The following TRERF1 variants were observed in gnomAD, a reference collection of about 807,000 sequenced individuals.
TRERF1 encodes the protein transcriptional regulating factor 1.
Under a neutral mutation model 122.9 loss-of-function variants are expected in TRERF1, and 27 were observed. The ratio of observed to expected loss-of-function variants is 0.22; its 90% confidence interval spans 0.16 to 0.30. The LOEUF is 0.30. Ranked by LOEUF, TRERF1 falls within the 10% of genes least tolerant of loss-of-function variation. The probability of loss-of-function intolerance (pLI) is 1.00; values close to 1 mark genes in which losing one functional copy is unlikely to be tolerated. For missense variants in TRERF1, 1,248 were observed against 1,560.3 expected (o/e 0.80, Z 3.37); for synonymous variants, 636 against 641.7 (o/e 0.99, Z 0.13).
chr6:42,426,819 CT>C (rs1783695719), intron 2 of TRERF1, among the ~76,000 whole-genome samples: 1 of 152,138 alleles, frequency 6.6e-6, no homozygotes, highest in African/African-American at 2.4e-5. Context: ...CTCTCTAGCC[CT>C]TTATAGAAAG....
intron 4 of TRERF1, among the ~76,000 whole-genome samples, chr6:42,278,096 G>A (rs35837067): frequency 0.11 from 16,628 of 151,990 alleles, 1,018 homozygotes; most frequent in African/African-American, 0.16. Flanking sequence ...TAATTGAAGC[G>A]AAGTTTTTCT....
chr6:42,371,218 A>G (rs1365326237), intron 2 of TRERF1, among the ~76,000 whole-genome samples: 1 of 152,192 alleles, frequency 6.6e-6, no homozygotes, highest in Non-Finnish European at 1.5e-5. Context: ...GGCATTCAGG[A>G]TAACTGGAGT....
chr6:42,403,426 C>T (rs903681068), intron 2 of TRERF1, among the ~76,000 whole-genome samples: 3 of 152,028 alleles, frequency 2.0e-5, no homozygotes, highest in Non-Finnish European at 4.4e-5. Flanking sequence ...GAGAATGCCA[C>T]GTGACAATGG....
At chr6:42,394,225 A>AC (rs1489317946) in intron 2 of TRERF1, among the ~76,000 whole-genome samples, 1 of 151,786 alleles carries the variant, frequency 6.6e-6, no homozygotes, top group Admixed American at 6.6e-5. Flanking sequence ...AAGCCAGGTC[A>AC]CCCCCAAACT....
intron 4 of TRERF1, among the ~76,000 whole-genome samples, chr6:42,299,090 A>G (rs112271691): frequency 0.014 from 1,640 of 119,668 alleles, 15 homozygotes; most frequent in African/African-American, 0.021. Context: ...ATATCTATCT[A>G]TCTATCTGTC....
At chr6:42,292,727 G>A (rs1784503503) in intron 4 of TRERF1, among the ~76,000 whole-genome samples, 1 of 152,108 alleles carries the variant, frequency 6.6e-6, no homozygotes, top group Non-Finnish European at 1.5e-5. Flanking sequence ...CAAGACCCCC[G>A]AAGAGGAAAT....
At chr6:42,310,525 C>T (rs1178282326) in intron 3 of TRERF1, among the ~76,000 whole-genome samples, 3 of 152,184 alleles carry the variant, frequency 2.0e-5, no homozygotes, top group African/African-American at 4.8e-5. Context: ...TGTCCAGAGA[C>T]ATTGTTGGTT....
intron 3 of TRERF1, among the ~76,000 whole-genome samples, chr6:42,329,298 G>T (rs1561999743): frequency 6.6e-6 from 1 of 152,046 alleles, no homozygotes; most frequent in Non-Finnish European, 1.5e-5. Context: ...GCCAGGGTGG[G>T]GTGGGGGCTT....
chr6:42,406,443 GAGGCCTCTGTCCTGGACC>G (rs1319075850), intron 2 of TRERF1, among the ~76,000 whole-genome samples: 1 of 152,200 alleles, frequency 6.6e-6, no homozygotes, highest in African/African-American at 2.4e-5. Flanking sequence ...AGAGCAGGCA[GAGGCCTCTGTCCTGGACC>G]CAAGTCAGCC....
At chr6:42,316,108 C>T (rs759238757) in intron 3 of TRERF1, among the ~76,000 whole-genome samples, 10 of 152,138 alleles carry the variant, frequency 6.6e-5, no homozygotes, top group Non-Finnish European at 1.0e-4. Flanking sequence ...AATGACATTT[C>T]GAGTCACAAG....
chr6:42,265,699 C>T (rs1222073236), intron 6 of TRERF1, 52 bp downstream of exon 6: 13 of 1,568,788 alleles, frequency 8.3e-6, no homozygotes, highest in Non-Finnish European at 1.1e-5. Context: ...AGAGACACCC[C>T]AGAAAATCCT....
Position 42,260,059 on chromosome 6 carries a change from G to A in TRERF1, c.1885-336C>T, listed in dbSNP as rs556038736. On this transcript the variant is annotated intron_variant, in intron 8 of 17. Coordinates refer to ENST00000372922, the Ensembl canonical transcript of TRERF1. ...GTTTGAGTGGAATCCAGCTGAGTGGGCTCTTTAATTCCCCCATTGCTCCCC... is the reference window on the plus strand; with the variant it reads ...GTTTGAGTGGAATCCAGCTGAGTGGACTCTTTAATTCCCCCATTGCTCCCC... Among the ~76,000 whole-genome samples the A allele has an allele frequency of 4.6e-5, 7 of 152,140 alleles. No homozygotes were observed. In the South Asian group the frequency reaches 1.5e-3, roughly 32 times the overall value.
intron 3 of TRERF1, among the ~76,000 whole-genome samples, chr6:42,314,745 A>C (rs891362185): frequency 1.3e-5 from 2 of 152,194 alleles, no homozygotes; most frequent in Non-Finnish European, 2.9e-5. Flanking sequence ...CTGGGGAAAG[A>C]GCATTCTAGG....
At chr6:42,313,611 C>T (rs1304317528) in intron 3 of TRERF1, among the ~76,000 whole-genome samples, 1 of 152,134 alleles carries the variant, frequency 6.6e-6, no homozygotes, top group Non-Finnish European at 1.5e-5. Context: ...ATGTGGGCCC[C>T]AGAACAAGGA....
intron 2 of TRERF1, among the ~76,000 whole-genome samples, chr6:42,380,012 G>A (rs191855086): frequency 2.6e-4 from 39 of 152,342 alleles, no homozygotes; most frequent in Admixed American, 1.8e-3. Flanking sequence ...GAGAGGGATC[G>A]AGAATGGTGA....
chr6:42,264,056 C>A (rs1778715177), intron 7 of TRERF1, among the ~76,000 whole-genome samples: 1 of 152,188 alleles, frequency 6.6e-6, no homozygotes. Flanking sequence ...CATAATCTGG[C>A]ATGGCCAGGA....
intron 3 of TRERF1, among the ~76,000 whole-genome samples, chr6:42,339,868 C>T (rs1033124272): frequency 7.2e-5 from 11 of 152,228 alleles, no homozygotes; most frequent in Non-Finnish European, 1.5e-4. Flanking sequence ...TAATCAGATA[C>T]GTGATTAAGA....
At chr6:42,450,825 T>C (rs914922680) in intron 2 of TRERF1, among the ~76,000 whole-genome samples, 2 of 152,166 alleles carry the variant, frequency 1.3e-5, no homozygotes, top group East Asian at 1.9e-4. Flanking sequence ...CATACACATA[T>C]GTATCATGTC....
intron 8 of TRERF1, among the ~76,000 whole-genome samples, chr6:42,260,642 G>A (rs943644575): frequency 1.2e-4 from 19 of 152,280 alleles, no homozygotes; most frequent in Admixed American, 1.2e-3. Context: ...ATACCTGAGG[G>A]AAGGTTCTGG....
Sources: gnomAD v4.1 joint callset for allele counts (sites outside exome capture counted in the v4.1 genomes callset) on GRCh38, gnomAD v4.1.1 for gene constraint, MANE v1.5 for transcripts, NCBI Gene and HGNC (gene_info 2026-07-23, HGNC 2026-07-21) for gene names.